Variants in CD200R1 observed in about 807,000 individuals in gnomAD.
CD200R1 encodes cell surface glycoprotein CD200 receptor 1.
In CD200R1, 30 loss-of-function variants were observed where a neutral mutation model predicts 38.1. That is an observed-to-expected ratio of 0.79 (90% confidence interval 0.59 to 1.07). CD200R1 has a LOEUF of 1.07. CD200R1 is among the 50% of genes least tolerant of loss of function. The pLI is 0.00. For missense variants in CD200R1, 372 were observed against 415.4 expected, an observed-to-expected ratio of 0.90 and a Z score of 0.91; for synonymous variants, 128 against 152.1, an observed-to-expected ratio of 0.84 and a Z score of 1.16.
chr3:112,939,905 A>C (rs2107316625), intron 2 of CD200R1, among the ~76,000 whole-genome samples: 1 of 151,216 alleles, frequency 6.6e-6, no homozygotes, highest in Non-Finnish European at 1.5e-5. Context: ...GCATCACACT[A>C]ACAGACTTCA....
chr3:112,933,267 T>C (rs1940499300), intron 2 of CD200R1, among the ~76,000 whole-genome samples: 1 of 152,186 alleles, frequency 6.6e-6, no homozygotes, highest in East Asian at 1.9e-4. Flanking sequence ...AACAACCATG[T>C]GCTTGTGCCC....
intron 1 of CD200R1, among the ~76,000 whole-genome samples, chr3:112,953,922 T>G (rs1019729628): frequency 6.6e-6 from 1 of 152,100 alleles, no homozygotes; most frequent in African/African-American, 2.4e-5. Context: ...TTCTCATGAT[T>G]TTTCTAGTCT....
intron 1 of CD200R1, among the ~76,000 whole-genome samples, chr3:112,960,104 G>T (rs1932978922): frequency 6.6e-6 from 1 of 152,026 alleles, no homozygotes; most frequent in Admixed American, 6.5e-5. Context: ...TTGTAACTGA[G>T]ATCTTATTCA....
At position 112,974,968 on chromosome 3, in the gene CD200R1, C is replaced by T. The variant is rs1235363674; in HGVS notation, c.-111G>A. 7.4e-6 allele frequency: 6 copies of T among 809,276 alleles called. No individual in the cohort carries two copies. Among genetic ancestry groups the T allele is most frequent in the South Asian group, 4.4e-5 (3 of 68,706 alleles). 50.1% of individuals were successfully genotyped at this position (809,276 alleles called of 1,614,324 possible). The stretch of plus-strand genomic sequence containing the variant: ...CTGGTCAACTTCTCAGTACAGGATC[C>T]TCTTACCCCATCAACAGTGGGGCAC... On this transcript the variant is annotated 5_prime_UTR_variant, in exon 1 of 8. Transcript: ENST00000308611.
At chr3:112,955,544 T>C (rs1048922712) in intron 1 of CD200R1, among the ~76,000 whole-genome samples, 3 of 151,094 alleles carry the variant, frequency 2.0e-5, no homozygotes, top group Non-Finnish European at 4.4e-5. Flanking sequence ...AGTTTCGCTC[T>C]GTCACCCAGG....
At chr3:112,971,473 A>T (rs1933308080) in intron 1 of CD200R1, among the ~76,000 whole-genome samples, 1 of 152,050 alleles carries the variant, frequency 6.6e-6, no homozygotes, top group Non-Finnish European at 1.5e-5. Flanking sequence ...TTCCTCCACA[A>T]CGAAACTCCC....
intron 1 of CD200R1, among the ~76,000 whole-genome samples, chr3:112,965,151 T>G (rs183230308): frequency 6.6e-6 from 1 of 151,464 alleles, no homozygotes; most frequent in African/African-American, 2.4e-5. Flanking sequence ...AAAGAGGAGG[T>G]TTCAAGACAG....
At chr3:112,926,812 G>A (rs1940290956) in intron 5 of CD200R1, among the ~76,000 whole-genome samples, 1 of 79,208 alleles carries the variant, frequency 1.3e-5, no homozygotes, top group Non-Finnish European at 2.9e-5. Context: ...AAAGAGAAGA[G>A]GATGAAGACA....
At position 112,921,707 on chromosome 3, in the gene CD200R1, A is replaced by G. The variant is rs1192346709; in HGVS notation, c.*1970T>C. The stretch of plus-strand genomic sequence containing the variant: ...ATTTGGAGAATATATATAATTTTTT[A>G]TATCATTCTAATGTTCAACCATGTT... On this transcript the variant is annotated 3_prime_UTR_variant, in exon 8 of 8. Transcript: ENST00000308611. 1 of 152,050 alleles carries G rather than the reference A, an allele frequency of 6.6e-6. No individual in the cohort carries two copies. The highest frequency in any genetic ancestry group is 2.4e-5 in the African/African-American group (1 of 41,426). 9.4% of individuals were successfully genotyped at this position (152,050 alleles called of 1,614,324 possible). A position where few individuals can be genotyped will look rare whatever the true frequency, so the allele number is the denominator to read the frequency against.
At chr3:112,958,536 T>C (rs1197535789) in intron 1 of CD200R1, among the ~76,000 whole-genome samples, 1 of 152,202 alleles carries the variant, frequency 6.6e-6, no homozygotes. Context: ...AAATGTTTTG[T>C]ATCTTGTTTG....
At chr3:112,968,923 T>G (rs952574320) in intron 1 of CD200R1, among the ~76,000 whole-genome samples, 4 of 152,172 alleles carry the variant, frequency 2.6e-5, no homozygotes, top group African/African-American at 9.7e-5. Flanking sequence ...TAAAACTATT[T>G]AATTTACAAA....
At chr3:112,952,857 GT>G (rs566944991) in intron 1 of CD200R1, among the ~76,000 whole-genome samples, 19 of 152,166 alleles carry the variant, frequency 1.2e-4, no homozygotes, top group African/African-American at 4.6e-4. Context: ...AGACCATGTT[GT>G]CTGCAAACAG....
At chr3:112,925,687 G>A (rs887838234) in intron 5 of CD200R1, among the ~76,000 whole-genome samples, 2 of 152,128 alleles carry the variant, frequency 1.3e-5, no homozygotes, top group African/African-American at 2.4e-5. Context: ...GGACATGGGC[G>A]AAGGCAGGGC....
At chr3:112,923,926 C>T (rs1940226077) in intron 7 of CD200R1, 127 bp from the exon 8 acceptor site, 1 of 571,744 alleles carries the variant, frequency 1.7e-6, no homozygotes, top group Admixed American at 3.4e-5. Flanking sequence ...AATTGTGTTT[C>T]TGGGCCTATA....
intron 1 of CD200R1, among the ~76,000 whole-genome samples, chr3:112,964,215 G>A (rs555366612): frequency 2.3e-4 from 35 of 152,304 alleles, no homozygotes; most frequent in African/African-American, 8.4e-4. Context: ...TGGGGTTGGA[G>A]CCCCCACACA....
intron 1 of CD200R1, among the ~76,000 whole-genome samples, chr3:112,955,489 A>G (rs1941075246): frequency 6.7e-6 from 1 of 150,090 alleles, no homozygotes; most frequent in Non-Finnish European, 1.5e-5. Flanking sequence ...ATATATAAAG[A>G]CCTTTTTGGT....
Position 112,924,503 on chromosome 3 carries a change from G to A in CD200R1, c.911C>T (p.Pro304Leu). The change falls in exon 7 of 8, where the codon CCA becomes CTA. Residue 304 changes from proline (P) to leucine (L), a missense_variant. Transcript: ENST00000308611. ...ATCTTATCTTACCTCCTCAACAACT[G>A]GAGTAGATTCTGTTTTATTCAATTT... ...KYKLNKTEST[P>L]VVEEDEMQPY... 1.5e-6 allele frequency: 2 copies of A among 1,317,740 alleles called. No individual in the cohort carries two copies. The highest frequency in any genetic ancestry group is 2.8e-5 in the East Asian group (1 of 35,736). 81.6% of individuals were successfully genotyped at this position (1,317,740 alleles called of 1,614,324 possible).
At chr3:112,940,874 T>A (rs1940709928) in intron 2 of CD200R1, among the ~76,000 whole-genome samples, 1 of 151,858 alleles carries the variant, frequency 6.6e-6, no homozygotes, top group Admixed American at 6.6e-5. Flanking sequence ...TACAGCAATA[T>A]TCACAATAGC....
chr3:112,955,476 T>A (rs867250202), intron 1 of CD200R1, among the ~76,000 whole-genome samples: 1 of 152,086 alleles, frequency 6.6e-6, no homozygotes, highest in South Asian at 2.1e-4. Context: ...GACCTCTTTA[T>A]CAATATATAA....
Sources: allele counts gnomAD v4.1 joint callset (sites outside exome capture counted in the v4.1 genomes callset), GRCh38; gene constraint gnomAD v4.1.1; transcripts MANE v1.5; gene names NCBI Gene and HGNC (gene_info 2026-07-23, HGNC 2026-07-21).